The following NR3C2 variants were observed in gnomAD, a reference collection of about 807,000 sequenced individuals.
NR3C2 encodes mineralocorticoid receptor.
In NR3C2, 15 loss-of-function variants were observed where a neutral mutation model predicts 86.4. The observed-to-expected ratio is 0.17, with a 90% CI of 0.12 to 0.27. NR3C2 has a LOEUF of 0.27. Ranked by LOEUF, NR3C2 falls within the 10% of genes least tolerant of loss-of-function variation. The probability of loss-of-function intolerance (pLI) is 1.00; values close to 1 mark genes in which losing one functional copy is unlikely to be tolerated. For synonymous variants in NR3C2, 458 were observed against 450.5 expected, an observed-to-expected ratio of 1.02 and a Z score of -0.21; for missense variants, 960 against 1,195.6, an observed-to-expected ratio of 0.80 and a Z score of 2.91.
chr4:148,270,996 T>C (rs1467759799), intron 2 of NR3C2, among the ~76,000 whole-genome samples: 1 of 152,206 alleles, frequency 6.6e-6, no homozygotes, highest in Non-Finnish European at 1.5e-5. Flanking sequence ...TGCTATAGGA[T>C]AGCATTTCCA....
intron 4 of NR3C2, among the ~76,000 whole-genome samples, chr4:148,160,981 C>A (rs1164512731): frequency 6.6e-6 from 1 of 152,148 alleles, no homozygotes; most frequent in African/African-American, 2.4e-5. Context: ...GCCATGAAAC[C>A]AAAGGAAGCA....
chr4:148,091,843 G>T (rs939249563), intron 8 of NR3C2, among the ~76,000 whole-genome samples: 5 of 152,216 alleles, frequency 3.3e-5, no homozygotes, highest in African/African-American at 1.2e-4. Context: ...CCTGGAAGGG[G>T]ATTCTGGGCA....
intron 8 of NR3C2, among the ~76,000 whole-genome samples, chr4:148,082,949 CAG>C (rs1560911142): frequency 6.6e-6 from 1 of 151,984 alleles, no homozygotes; most frequent in African/African-American, 2.4e-5. Flanking sequence ...CCAGTGTAAA[CAG>C]AGCCACCGGG....
At chr4:148,161,591 G>C (rs551100324) in intron 4 of NR3C2, among the ~76,000 whole-genome samples, 2 of 151,988 alleles carry the variant, frequency 1.3e-5, no homozygotes, top group Non-Finnish European at 2.9e-5. Context: ...CCTTACCTCA[G>C]GTAATCCGTC....
intron 2 of NR3C2, among the ~76,000 whole-genome samples, chr4:148,278,716 C>G (rs918753080): frequency 1.3e-5 from 2 of 152,118 alleles, no homozygotes; most frequent in African/African-American, 4.8e-5. Context: ...CCTTAAGAAA[C>G]TTTGGTGACA....
In NR3C2 at chr4:148,349,158, T is replaced by G. The variant is rs368867457; in HGVS notation, c.1757+85946A>C. Among the ~76,000 whole-genome samples the G allele has an allele frequency of 6.6e-5, 10 of 152,268 alleles. No individual in the cohort carries two copies. The East Asian group carries it at 1.5e-3, about 24-fold the overall frequency. ...TCACAGGCCTGAAGCAGATCCTTCC[T>G]TACCATTAACCCAGAACCTGACACA... On this transcript the variant is annotated intron_variant, in intron 2 of 8. Coordinates refer to ENST00000358102, the MANE Select transcript of NR3C2 (RefSeq NM_000901.5).
chr4:148,141,442 T>A, intron 6 of NR3C2, among the ~76,000 whole-genome samples: 1 of 143,294 alleles, frequency 7.0e-6, no homozygotes. Context: ...TCTCTCCCTC[T>A]CTCTCACACA....
At chr4:148,088,453 T>C (rs1730914127) in intron 8 of NR3C2, among the ~76,000 whole-genome samples, 1 of 152,102 alleles carries the variant, frequency 6.6e-6, no homozygotes, top group Admixed American at 6.5e-5. Context: ...TAGCAAAGAC[T>C]TGGAACCAAC....
intron 3 of NR3C2, among the ~76,000 whole-genome samples, chr4:148,254,323 T>C (rs1291120967): frequency 6.6e-6 from 1 of 152,156 alleles, no homozygotes; most frequent in African/African-American, 2.4e-5. Context: ...TAACCTCACT[T>C]CCTATCACTT....
rs77629888 is a variant in NR3C2 at position 148,230,182 on chromosome 4, G to A, written c.1897+29796C>T. On this transcript the variant is annotated intron_variant, in intron 3 of 8. Transcript: ENST00000358102. ...GGGAGAACAGAGAGATAAAAAGAAC[G>A]CACTTTTTGTTTGTTTGTTTTTTGT... 7.6e-3 allele frequency among the ~76,000 whole-genome samples: 1,161 copies of A among 152,122 alleles called. 9 individuals carry two copies. The highest frequency in any genetic ancestry group is 0.025 in the African/African-American group (1,034 of 41,518).
At chr4:148,116,543 A>G (rs1179287840) in intron 7 of NR3C2, among the ~76,000 whole-genome samples, 1 of 152,200 alleles carries the variant, frequency 6.6e-6, no homozygotes, top group Non-Finnish European at 1.5e-5. Context: ...GTCAGTCCCG[A>G]AAAACTTTGA....
chr4:148,139,587 G>C (rs1428532336), intron 6 of NR3C2, among the ~76,000 whole-genome samples: 4 of 152,182 alleles, frequency 2.6e-5, no homozygotes, highest in Non-Finnish European at 5.9e-5. Flanking sequence ...TTTCAAGGGA[G>C]AGGGGCACAG....
intron 2 of NR3C2, among the ~76,000 whole-genome samples, chr4:148,363,502 A>ATTT (rs1414328296): frequency 6.2e-5 from 1 of 16,226 alleles, no homozygotes; most frequent in Non-Finnish European, 1.3e-4. Flanking sequence ...CTTCTCATAG[A>ATTT]TCTCTTTTTT....
At chr4:148,155,567 G>A (rs1238823725) in intron 4 of NR3C2, among the ~76,000 whole-genome samples, 3 of 152,088 alleles carry the variant, frequency 2.0e-5, no homozygotes, top group Non-Finnish European at 4.4e-5. Context: ...GGATGTGAAG[G>A]ACCTCTTCAA....
intron 8 of NR3C2, 49 bp downstream of exon 8, chr4:148,114,055 A>G: frequency 1.9e-6 from 3 of 1,603,630 alleles, no homozygotes; most frequent in South Asian, 2.2e-5. Context: ...AGCAGTGTGT[A>G]TGTGGTTGCT....
rs147253728 is a variant in NR3C2 at position 148,345,733 on chromosome 4, T to A, written c.1758-85616A>T. On this transcript the variant is annotated intron_variant, in intron 2 of 8. Transcript: ENST00000358102. ...AAAGGTTAATTAAACCTGAGGACTTTAATACTGTGTTCTTTCTGGGTGTCT... is the reference window on the plus strand; with the variant it reads ...AAAGGTTAATTAAACCTGAGGACTTAAATACTGTGTTCTTTCTGGGTGTCT... 2.7e-3 allele frequency among the ~76,000 whole-genome samples: 403 copies of A among 151,608 alleles called. 4 individuals are homozygous for A. The highest frequency in any genetic ancestry group is 9.0e-3 in the African/African-American group (369 of 41,048).
intron 3 of NR3C2, among the ~76,000 whole-genome samples, chr4:148,198,724 A>C (rs1736559638): frequency 6.6e-6 from 1 of 152,054 alleles, no homozygotes; most frequent in African/African-American, 2.4e-5. Context: ...AAAAAGAAAA[A>C]ACTAAAAAAA....
chr4:148,306,503 TCCTC>T (rs1742634525), intron 2 of NR3C2, among the ~76,000 whole-genome samples: 1 of 152,202 alleles, frequency 6.6e-6, no homozygotes, highest in Non-Finnish European at 1.5e-5. Flanking sequence ...CAAATTTATT[TCCTC>T]CCTTAGTAAA....
intron 2 of NR3C2, among the ~76,000 whole-genome samples, chr4:148,390,709 TTAATCTTAAATACAGAGGAAACCAC>T (rs1258478691): frequency 1.3e-5 from 2 of 152,162 alleles, no homozygotes; most frequent in Non-Finnish European, 2.9e-5. Flanking sequence ...AAATGAACCC[TTAATCTTAAATACAGAGGAAACCAC>T]TAAAATAATG....
Sources: gnomAD v4.1 joint callset for allele counts (sites outside exome capture counted in the v4.1 genomes callset) on GRCh38, gnomAD v4.1.1 for gene constraint, MANE v1.5 for transcripts, NCBI Gene and HGNC (gene_info 2026-07-23, HGNC 2026-07-21) for gene names.